The following DAB1 variants were observed in gnomAD, a reference collection of about 807,000 sequenced individuals.
DAB1 encodes disabled homolog 1.
Under a neutral mutation model 64.6 loss-of-function variants are expected in DAB1, and 15 were observed. The ratio of observed to expected loss-of-function variants is 0.23; its 90% CI spans 0.16 to 0.36. DAB1 has a LOEUF of 0.36. DAB1 is among the 10% of genes least tolerant of loss of function. The probability of loss-of-function intolerance (pLI) is 1.00; values close to 1 mark genes in which losing one functional copy is unlikely to be tolerated. For synonymous variants in DAB1, 235 were observed against 251.9 expected (o/e 0.93, Z 0.64); for missense variants, 596 against 706.7 (o/e 0.84, Z 1.78).
At chr1:57,845,102 T>C (rs940990439) in intron 1 of DAB1, among the ~76,000 whole-genome samples, 56 of 152,306 alleles carry the variant, frequency 3.7e-4, no homozygotes, top group African/African-American at 1.3e-3. Flanking sequence ...CAAGAGCTAC[T>C]CTTCTCTTCC....
At chr1:57,715,091 G>A (rs1014801095) in intron 6 of DAB1, among the ~76,000 whole-genome samples, 1 of 152,018 alleles carries the variant, frequency 6.6e-6, no homozygotes, top group African/African-American at 2.4e-5. Context: ...TGATCAAATG[G>A]GATTCATTCC....
At chr1:57,421,892 T>TG (rs1420083121) in intron 1 of DAB1, among the ~76,000 whole-genome samples, 2 of 7,882 alleles carry the variant, frequency 2.5e-4, no homozygotes, top group Admixed American at 3.1e-3. Flanking sequence ...GTGAAAGAGA[T>TG]GGGGGGTGGC....
intron 7 of DAB1, among the ~76,000 whole-genome samples, chr1:57,459,548 T>C (rs1686711514): frequency 6.6e-6 from 1 of 152,242 alleles, no homozygotes; most frequent in Non-Finnish European, 1.5e-5. Context: ...CTTTGTATTC[T>C]TAATATTCTC....
intron 5 of DAB1, among the ~76,000 whole-genome samples, chr1:57,995,706 T>A (rs2100388441): frequency 6.6e-6 from 1 of 152,008 alleles, no homozygotes; most frequent in Non-Finnish European, 1.5e-5. Flanking sequence ...ATCAAGACCC[T>A]CTAGGGAAAA....
At chr1:57,012,645 G>A (rs994214108) in intron 12 of DAB1, among the ~76,000 whole-genome samples, 1 of 152,106 alleles carries the variant, frequency 6.6e-6, no homozygotes, top group African/African-American at 2.4e-5. Flanking sequence ...GCAAGTTTTT[G>A]GAAAAAAATT....
At chr1:58,374,773 T>G (rs1271147640) in intron 3 of DAB1, among the ~76,000 whole-genome samples, 2 of 139,646 alleles carry the variant, frequency 1.4e-5, no homozygotes, top group African/African-American at 5.5e-5. Flanking sequence ...CCTTGGGCAG[T>G]ATGGCCATTT....
chr1:57,512,011 C>T (rs374058317), intron 7 of DAB1, among the ~76,000 whole-genome samples: 6 of 152,302 alleles, frequency 3.9e-5, no homozygotes, highest in Non-Finnish European at 8.8e-5. Flanking sequence ...TATCATCTAT[C>T]TCACCATATA....
chr1:57,706,787 T>C (rs904076228), intron 6 of DAB1, among the ~76,000 whole-genome samples: 1 of 152,008 alleles, frequency 6.6e-6, no homozygotes, highest in African/African-American at 2.4e-5. Flanking sequence ...TAAGATACAT[T>C]CCAGGCCGGG....
chr1:57,120,219 T>C (rs1656512562), intron 4 of DAB1, among the ~76,000 whole-genome samples: 1 of 152,186 alleles, frequency 6.6e-6, no homozygotes, highest in African/African-American at 2.4e-5. Flanking sequence ...TGAATTTGAA[T>C]TTTCTTATCT....
intron 3 of DAB1, among the ~76,000 whole-genome samples, chr1:58,381,575 T>C (rs1644389422): frequency 6.6e-6 from 1 of 152,112 alleles, no homozygotes; most frequent in Non-Finnish European, 1.5e-5. Flanking sequence ...AAGTACAATG[T>C]GAGATATAGA....
intron 2 of DAB1, among the ~76,000 whole-genome samples, chr1:57,281,572 C>T (rs1012931567): frequency 2.0e-5 from 3 of 152,126 alleles, no homozygotes; most frequent in African/African-American, 7.2e-5. Flanking sequence ...GACCAGACAG[C>T]ACCTCTCTGA....
intron 7 of DAB1, among the ~76,000 whole-genome samples, chr1:57,547,352 G>A (rs1293851194): frequency 6.6e-6 from 1 of 152,090 alleles, no homozygotes; most frequent in East Asian, 1.9e-4. Flanking sequence ...AAAATTTAAA[G>A]CTTCTTTTAA....
intron 5 of DAB1, among the ~76,000 whole-genome samples, chr1:57,964,023 C>T (rs1645591758): frequency 6.6e-6 from 1 of 152,162 alleles, no homozygotes; most frequent in African/African-American, 2.4e-5. Flanking sequence ...AATCACATAT[C>T]CCCAACACAC....
At chr1:57,105,473 T>C (rs1261794981) in intron 4 of DAB1, among the ~76,000 whole-genome samples, 1 of 152,142 alleles carries the variant, frequency 6.6e-6, no homozygotes, top group African/African-American at 2.4e-5. Context: ...GCAGTCGCCC[T>C]TAGTAGGTGC....
intron 4 of DAB1, among the ~76,000 whole-genome samples, chr1:57,113,798 A>G (rs1190319254): frequency 6.6e-6 from 1 of 152,086 alleles, no homozygotes; most frequent in Non-Finnish European, 1.5e-5. Flanking sequence ...TTTAAAGACT[A>G]CTCTTTTAAC....
chr1:57,086,736 T>C (rs1653127210), intron 4 of DAB1, among the ~76,000 whole-genome samples: 1 of 148,248 alleles, frequency 6.7e-6, no homozygotes, highest in Non-Finnish European at 1.5e-5. Flanking sequence ...GTGGTGACAG[T>C]GGTGATGGCA....
chr1:57,974,635 G>T (rs899576753), intron 5 of DAB1, among the ~76,000 whole-genome samples: 1 of 152,020 alleles, frequency 6.6e-6, no homozygotes, highest in Non-Finnish European at 1.5e-5. Flanking sequence ...CAGGTAGCCA[G>T]AATTGAAAGC....
At chr1:57,654,667 A>T (rs1324159517) in intron 6 of DAB1, among the ~76,000 whole-genome samples, 5 of 152,040 alleles carry the variant, frequency 3.3e-5, no homozygotes, top group African/African-American at 2.4e-5. Flanking sequence ...ATTTTTTCTT[A>T]ATCTAGCTAA....
chr1:58,515,136 G>C (rs1226107356), intron 2 of DAB1, among the ~76,000 whole-genome samples: 1 of 152,064 alleles, frequency 6.6e-6, no homozygotes, highest in Non-Finnish European at 1.5e-5. Context: ...ACTTCTTAAA[G>C]CTCATTTTAT....
Sources: allele counts gnomAD v4.1 joint callset (sites outside exome capture counted in the v4.1 genomes callset), GRCh38; gene constraint gnomAD v4.1.1; transcripts MANE v1.5; gene names NCBI Gene and HGNC (gene_info 2026-07-23, HGNC 2026-07-21).